The following DENR variants were observed in gnomAD, a reference collection of about 807,000 sequenced individuals.
The protein encoded by DENR is density-regulated protein.
In DENR, 6 loss-of-function variants were observed where a neutral mutation model predicts 30.6. That is an observed-to-expected ratio of 0.20 (90% CI 0.11 to 0.39). DENR has a LOEUF of 0.39. Ranked by LOEUF, DENR falls within the 10% of genes least tolerant of loss-of-function variation. The pLI is 1.00. For missense variants in DENR, 141 were observed against 230.9 expected, an observed-to-expected ratio of 0.61 and a Z score of 2.52; for synonymous variants, 78 against 72.1, an observed-to-expected ratio of 1.08 and a Z score of -0.41.
At chr12:122,765,233 C>G in intron 4 of DENR, 71 bp from the exon 5 acceptor site, 1 of 1,312,656 alleles carries the variant, frequency 7.6e-7, no homozygotes, top group East Asian at 2.5e-5. Flanking sequence ...TGAGGTTGCT[C>G]AAAGGTGATT....
intron 3 of DENR, among the ~76,000 whole-genome samples, chr12:122,762,430 GT>G (rs1878726200): frequency 6.6e-6 from 1 of 152,154 alleles, no homozygotes; most frequent in Non-Finnish European, 1.5e-5. Flanking sequence ...TGGCTGTGCA[GT>G]TTGGATTTTT....
chr12:122,753,190 C>T (rs1056171836), intron 1 of DENR, among the ~76,000 whole-genome samples: 1 of 152,084 alleles, frequency 6.6e-6, no homozygotes, highest in African/African-American at 2.4e-5. Flanking sequence ...CTGGTTACCC[C>T]GCCCCCTCCC....
intron 4 of DENR, 120 bp from the exon 5 acceptor site, chr12:122,765,184 T>C (rs1878815026): frequency 4.2e-6 from 3 of 716,598 alleles, no homozygotes; most frequent in Non-Finnish European, 6.9e-6. Flanking sequence ...GCTTTACAAA[T>C]TTCATGCTCA....
chr12:122,758,545 C>A (rs1471589862), intron 2 of DENR, among the ~76,000 whole-genome samples: 1 of 151,600 alleles, frequency 6.6e-6, no homozygotes, highest in African/African-American at 2.4e-5. Context: ...TGGCTCACAC[C>A]TTTAATTCCA....
rs573183787 is a variant in DENR, at chr12:122,769,970, G to A, written c.*892G>A. The A allele has an allele frequency of 6.5e-6, 1 of 152,698 alleles. No homozygotes were observed. Among genetic ancestry groups the A allele is most frequent in the African/African-American group, 2.4e-5 (1 of 41,544 alleles). 9.5% of individuals were successfully genotyped at this position (152,698 alleles called of 1,614,324 possible). A position where few individuals can be genotyped will look rare whatever the true frequency, so the allele number is the denominator to read the frequency against. ...TAATATGTCTCCTTGCTTCTTTGAT[G>A]TGATAGTTTTGAGATGGGTGAGAAT... On this transcript the variant is annotated 3_prime_UTR_variant, in exon 8 of 8. Coordinates refer to ENST00000280557, the MANE Select transcript of DENR (RefSeq NM_003677.5).
intron 6 of DENR, among the ~76,000 whole-genome samples, chr12:122,767,913 A>AT (rs1439205571): frequency 2.6e-5 from 4 of 152,304 alleles, no homozygotes; most frequent in Admixed American, 2.6e-4. Context: ...CTCTGCAGGC[A>AT]TGGTGGCAAA....
chr12:122,763,671 A>T (rs758846996), intron 4 of DENR, among the ~76,000 whole-genome samples: 6 of 152,258 alleles, frequency 3.9e-5, no homozygotes, highest in Non-Finnish European at 7.3e-5. Flanking sequence ...ATTGCACGCC[A>T]GCCTGGGCAA....
intron 2 of DENR, among the ~76,000 whole-genome samples, chr12:122,759,844 A>C (rs1274087015): frequency 6.6e-6 from 1 of 152,198 alleles, no homozygotes. Flanking sequence ...CTGAACAACT[A>C]TGCCTAGTAT....
intron 4 of DENR, 131 bp from the exon 5 acceptor site, chr12:122,765,173 T>C (rs1878814950): frequency 3.0e-6 from 2 of 663,540 alleles, no homozygotes; most frequent in Non-Finnish European, 5.2e-6. Context: ...TGTAATCCAT[T>C]GCTTTACAAA....
intron 5 of DENR, among the ~76,000 whole-genome samples, chr12:122,765,627 C>G (rs1453341068): frequency 6.6e-6 from 1 of 152,022 alleles, no homozygotes; most frequent in African/African-American, 2.4e-5. Context: ...GACCTCATCC[C>G]TTACAAAAAG....
At chr12:122,754,449 C>T (rs1202692938) in intron 2 of DENR, among the ~76,000 whole-genome samples, 1 of 152,162 alleles carries the variant, frequency 6.6e-6, no homozygotes, top group Non-Finnish European at 1.5e-5. Flanking sequence ...GTATTCGCAT[C>T]TTGGAAACTT....
chr12:122,753,667 G>T, intron 1 of DENR, 26 bp from the exon 2 acceptor site: 1 of 1,547,148 alleles, frequency 6.5e-7, no homozygotes, highest in Non-Finnish European at 8.9e-7. Context: ...AAAATAGTGA[G>T]GGTGTGTTAT....
chr12:122,768,873 A>G lies in DENR; in HGVS notation c.504A>G (p.Gly168=), dbSNP rs750703161. The G allele has an allele frequency of 3.7e-6, 6 of 1,613,050 alleles. No homozygotes were observed. The South Asian group carries it at 5.5e-5, about 15-fold the overall frequency. Residue 168 remains glycine, a synonymous_variant, in exon 7 of 8, where the codon GGA becomes GGG. Transcript: ENST00000280557. ...VTGEDEIIIQ[G]DFTDDIIDVI... ...GGGAGGATGAAATTATCATTCAGGG[A>G]GATTTTACAGATGACATAATTGATG...
intron 2 of DENR, among the ~76,000 whole-genome samples, chr12:122,755,035 A>G (rs1175088317): frequency 6.6e-6 from 1 of 152,250 alleles, no homozygotes; most frequent in African/African-American, 2.4e-5. Context: ...CTGACTTGCA[A>G]TACAGTGAAT....
chr12:122,762,367 T>C (rs995547001), intron 3 of DENR, among the ~76,000 whole-genome samples, 161 bp downstream of exon 3: 9 of 152,206 alleles, frequency 5.9e-5, no homozygotes, highest in Non-Finnish European at 1.0e-4. Context: ...TTTGGTCTTA[T>C]ATATTCTTTC....
intron 4 of DENR, among the ~76,000 whole-genome samples, chr12:122,765,030 C>T (rs1312679140): frequency 2.0e-5 from 3 of 152,190 alleles, no homozygotes; most frequent in African/African-American, 7.2e-5. Context: ...TCCTGCAGAG[C>T]CCAAGTGTTC....
rs183421983 is a variant in DENR at position 122,753,110 on chromosome 12, C to T, written c.-10+160C>T. On this transcript the variant is annotated intron_variant, in intron 1 of 7. Transcript: ENST00000280557. ...CCCGGGGTTGCTCCTTCGCCTCAGA[C>T]CTGGTCGCCCTTGTCCCCTCAGTGC... Among the ~76,000 whole-genome samples the T allele has an allele frequency of 2.0e-5, 3 of 152,360 alleles. No homozygotes were observed. The East Asian group carries it at 5.8e-4, about 29-fold the overall frequency.
In DENR at chr12:122,769,207, C is replaced by A; in HGVS notation, c.*129C>A. 1 of 869,100 alleles carries A rather than the reference C, an allele frequency of 1.2e-6. No homozygotes were observed. Among genetic ancestry groups the A allele is most frequent in the Non-Finnish European group, 1.5e-6 (1 of 666,058 alleles). The allele number at this position is 869,100 out of a possible 1,614,324, so 53.8% of individuals were successfully genotyped here. A position where few individuals can be genotyped will look rare whatever the true frequency, so the allele number is the denominator to read the frequency against. Reference sequence around the variant, plus strand: ...ATATACACATATATGTATGTATACACATATACACATGTATATATACATGTG... The same window carrying A: ...ATATACACATATATGTATGTATACAAATATACACATGTATATATACATGTG... On this transcript the variant is annotated 3_prime_UTR_variant, in exon 8 of 8. Coordinates refer to ENST00000280557, the MANE Select transcript of DENR (RefSeq NM_003677.5).
chr12:122,757,864 A>G (rs1878591342), intron 2 of DENR, among the ~76,000 whole-genome samples: 2 of 152,200 alleles, frequency 1.3e-5, no homozygotes, highest in African/African-American at 4.8e-5. Context: ...CACAGAAATC[A>G]AGTTTAGGAG....
Sources: allele counts gnomAD v4.1 joint callset (sites outside exome capture counted in the v4.1 genomes callset), GRCh38; gene constraint gnomAD v4.1.1; transcripts MANE v1.5; gene names NCBI Gene and HGNC (gene_info 2026-07-23, HGNC 2026-07-21).